The following CAMKMT variants were observed in gnomAD, a reference collection of about 807,000 sequenced individuals.
CAMKMT encodes the protein CaM KMT.
A neutral mutation model predicts 48.0 loss-of-function variants in CAMKMT; 53 were observed. That is an observed-to-expected ratio of 1.10 (90% CI 0.89 to 1.39). The LOEUF is 1.39. Among genes scored for constraint, CAMKMT ranks in the 40% most tolerant of loss-of-function variants. The pLI is 0.00. For synonymous variants in CAMKMT, 165 were observed against 152.3 expected, an observed-to-expected ratio of 1.08 and a Z score of -0.61; for missense variants, 428 against 402.7, an observed-to-expected ratio of 1.06 and a Z score of -0.54.
chr2:44,485,888 G>T (rs574053966), intron 3 of CAMKMT, among the ~76,000 whole-genome samples: 1 of 152,278 alleles, frequency 6.6e-6, no homozygotes, highest in Non-Finnish European at 1.5e-5. Flanking sequence ...GAGAGAAAGG[G>T]AACAAGGGAA....
intron 3 of CAMKMT, among the ~76,000 whole-genome samples, chr2:44,466,522 A>T (rs1668121515): frequency 6.6e-6 from 1 of 152,196 alleles, no homozygotes; most frequent in Admixed American, 6.5e-5. Context: ...ATGCAGCAAA[A>T]GCAGTACTCA....
chr2:44,590,758 T>C (rs1415239146), intron 3 of CAMKMT, among the ~76,000 whole-genome samples: 2 of 152,182 alleles, frequency 1.3e-5, no homozygotes, highest in African/African-American at 4.8e-5. Context: ...TTTAGTTTAA[T>C]GAGATCCCAT....
At chr2:44,721,333 C>G (rs1678451400) in intron 7 of CAMKMT, among the ~76,000 whole-genome samples, 1 of 152,130 alleles carries the variant, frequency 6.6e-6, no homozygotes, top group South Asian at 2.1e-4. Context: ...AAATATGGAA[C>G]TTTAGCAGAT....
chr2:44,652,610 C>G (rs929701729), intron 3 of CAMKMT, among the ~76,000 whole-genome samples: 3 of 152,114 alleles, frequency 2.0e-5, no homozygotes, highest in Non-Finnish European at 4.4e-5. Flanking sequence ...ACTGCCTCCC[C>G]CTCTCCAAAG....
intron 3 of CAMKMT, among the ~76,000 whole-genome samples, chr2:44,637,962 G>T (rs1175453468): frequency 6.6e-6 from 1 of 151,558 alleles, no homozygotes; most frequent in Non-Finnish European, 1.5e-5. Flanking sequence ...CTACTTGGGA[G>T]GCTGAGGCAG....
chr2:44,667,197 G>A (rs786179), intron 3 of CAMKMT, among the ~76,000 whole-genome samples: 37,217 of 152,088 alleles, frequency 0.24, 4,753 homozygotes, highest in South Asian at 0.34. Flanking sequence ...ACAGTTCCCT[G>A]AGGGCCTTAG....
intron 3 of CAMKMT, among the ~76,000 whole-genome samples, chr2:44,552,731 CAA>C (rs1223698720): frequency 6.6e-6 from 1 of 152,140 alleles, no homozygotes; most frequent in East Asian, 1.9e-4. Flanking sequence ...GTAATTTGTC[CAA>C]AGTCATATGG....
At chr2:44,432,308 C>T (rs759297135) in intron 3 of CAMKMT, among the ~76,000 whole-genome samples, 1 of 152,158 alleles carries the variant, frequency 6.6e-6, no homozygotes, top group Non-Finnish European at 1.5e-5. Context: ...TGCCCATCCC[C>T]TGACTCTCCT....
intron 3 of CAMKMT, among the ~76,000 whole-genome samples, chr2:44,553,809 T>C (rs987896843): frequency 1.3e-5 from 2 of 152,202 alleles, no homozygotes; most frequent in Non-Finnish European, 2.9e-5. Flanking sequence ...CTAACTATAA[T>C]TTTACACTAA....
rs555650787 is a variant in CAMKMT at position 44,621,922 on chromosome 2, G to A, written c.377-82361G>A. Among the ~76,000 whole-genome samples the A allele has an allele frequency of 5.3e-5, 8 of 152,302 alleles. 1 individual carries two copies. The highest frequency in any genetic ancestry group is 4.1e-4 in the South Asian group (2 of 4,830). ...GATGATAGTCATTTGGATTGTGGTG[G>A]TGGCAATAGTAATGGATTGAAATAC... On this transcript the variant is annotated intron_variant, in intron 3 of 10. Transcript: ENST00000378494.
chr2:44,455,057 T>A (rs1372246189), intron 3 of CAMKMT, among the ~76,000 whole-genome samples: 1 of 152,158 alleles, frequency 6.6e-6, no homozygotes, highest in African/African-American at 2.4e-5. Flanking sequence ...CTCTATGGCA[T>A]CATGAGATGC....
At chr2:44,365,970 C>T (rs773155220) in intron 1 of CAMKMT, among the ~76,000 whole-genome samples, 10 of 152,154 alleles carry the variant, frequency 6.6e-5, no homozygotes, top group Non-Finnish European at 1.2e-4. Context: ...ATTGTAATAA[C>T]GATACATATT....
Position 44,364,525 on chromosome 2 carries a change from T to C in CAMKMT, c.138+2380T>C, listed in dbSNP as rs544578319. ...GGGAAAAGGTGATGTTTTATTAATT[T>C]ACATCCTCTGCACCTAGCACAGGGC... is the stretch of plus-strand genomic sequence containing the variant. On this transcript the variant is annotated intron_variant, in intron 1 of 10. Transcript: ENST00000378494. 1.1e-4 allele frequency among the ~76,000 whole-genome samples: 16 copies of C among 152,328 alleles called. No individual in the cohort carries two copies. The South Asian group carries it at 3.3e-3, about 32-fold the overall frequency.
chr2:44,515,697 A>C (rs535994027), intron 3 of CAMKMT, among the ~76,000 whole-genome samples: 2 of 152,350 alleles, frequency 1.3e-5, no homozygotes, highest in East Asian at 1.9e-4. Flanking sequence ...GCTACAGCAC[A>C]TGTTGAAATT....
chr2:44,575,705 C>T (rs1669179200), intron 3 of CAMKMT, among the ~76,000 whole-genome samples: 1 of 151,842 alleles, frequency 6.6e-6, no homozygotes, highest in South Asian at 2.1e-4. Flanking sequence ...CCCCATCTCT[C>T]TACTAATAAT....
chr2:44,411,734 TA>T (rs1360208260), intron 3 of CAMKMT, among the ~76,000 whole-genome samples: 1 of 148,592 alleles, frequency 6.7e-6, no homozygotes, highest in Non-Finnish European at 1.5e-5. Flanking sequence ...AGTATTTTTG[TA>T]AAATTCCATT....
intron 1 of CAMKMT, among the ~76,000 whole-genome samples, chr2:44,371,515 C>G (rs1260581334): frequency 6.6e-6 from 1 of 152,030 alleles, no homozygotes; most frequent in African/African-American, 2.4e-5. Flanking sequence ...ATATCTTTTT[C>G]TTTATTTTTG....
chr2:44,711,593 G>A (rs1333305490), intron 6 of CAMKMT, among the ~76,000 whole-genome samples: 1 of 152,188 alleles, frequency 6.6e-6, no homozygotes, highest in Non-Finnish European at 1.5e-5. Context: ...TGGGATTACA[G>A]GCGTGAGCCA....
At chr2:44,632,412 A>T (rs1343068823) in intron 3 of CAMKMT, among the ~76,000 whole-genome samples, 1 of 152,214 alleles carries the variant, frequency 6.6e-6, no homozygotes, top group African/African-American at 2.4e-5. Flanking sequence ...ATTTTTCAAA[A>T]TAAATTTCAT....
Sources: allele counts gnomAD v4.1 joint callset (sites outside exome capture counted in the v4.1 genomes callset), GRCh38; gene constraint gnomAD v4.1.1; transcripts MANE v1.5; gene names NCBI Gene and HGNC (gene_info 2026-07-23, HGNC 2026-07-21).